KIF15: variants seen among roughly 807,000 people sequenced by gnomAD.
The protein encoded by KIF15 is kinesin-like protein KIF15.
KIF15 carries 140 observed loss-of-function variants against 190.6 expected under a neutral mutation model. The ratio of observed to expected loss-of-function variants is 0.73; its 90% confidence interval spans 0.64 to 0.84. The LOEUF (loss-of-function observed/expected upper bound fraction) is 0.84, where lower values mean the gene tolerates loss of function less well. Ranked by LOEUF, KIF15 falls within the 40% of genes least tolerant of loss-of-function variation. KIF15 has a pLI of 0.00. For synonymous variants in KIF15, 528 were observed against 551.3 expected (o/e 0.96, Z 0.59); for missense variants, 1,372 against 1,584.4 (o/e 0.87, Z 2.28).
At chr3:44,763,254 G>A (rs1366512310) in intron 1 of KIF15, among the ~76,000 whole-genome samples, 2 of 152,204 alleles carry the variant, frequency 1.3e-5, no homozygotes, top group Admixed American at 6.5e-5. Flanking sequence ...AAGAGAGCCC[G>A]TGCAGTGGTC....
intron 7 of KIF15, among the ~76,000 whole-genome samples, chr3:44,792,797 G>C (rs1254621960): frequency 1.3e-5 from 2 of 151,922 alleles, no homozygotes; most frequent in Non-Finnish European, 2.9e-5. Context: ...CCACCCACCT[G>C]GGCCTCCCAA....
At chr3:44,772,015 A>G (rs943098126) in intron 1 of KIF15, among the ~76,000 whole-genome samples, 4 of 152,234 alleles carry the variant, frequency 2.6e-5, no homozygotes, top group African/African-American at 9.6e-5. Flanking sequence ...ACTAAAAGGT[A>G]CCACAGCTCT....
intron 6 of KIF15, among the ~76,000 whole-genome samples, chr3:44,861,015 G>A (rs1699236622): frequency 6.6e-6 from 1 of 151,822 alleles, no homozygotes; most frequent in Non-Finnish European, 1.5e-5. Flanking sequence ...TTTTTGAGAC[G>A]GAGTTCACTC....
At chr3:44,779,000 A>G (rs1706035776) in intron 4 of KIF15, among the ~76,000 whole-genome samples, 1 of 150,024 alleles carries the variant, frequency 6.7e-6, no homozygotes, top group South Asian at 2.1e-4. Flanking sequence ...AAAAAAAAAA[A>G]ACCAAAACAA....
intron 3 of KIF15, among the ~76,000 whole-genome samples, chr3:44,776,771 G>C (rs1705909587): frequency 1.3e-5 from 2 of 152,112 alleles, no homozygotes; most frequent in African/African-American, 4.8e-5. Flanking sequence ...TGTGCTGTCT[G>C]TTACAATAGC....
At chr3:44,828,852 A>G (rs1697818393) in intron 24 of KIF15, among the ~76,000 whole-genome samples, 1 of 152,086 alleles carries the variant, frequency 6.6e-6, no homozygotes, top group South Asian at 2.1e-4. Flanking sequence ...AGCCTGACCA[A>G]CATGGAGAAA....
chr3:44,815,474 T>C (rs1380420427), intron 20 of KIF15, among the ~76,000 whole-genome samples: 2 of 152,222 alleles, frequency 1.3e-5, no homozygotes, highest in African/African-American at 4.8e-5. Flanking sequence ...TTGGTTTTGC[T>C]TGAGTCATCT....
Position 44,800,295 on chromosome 3 carries a change from TTAAAAAATTCC to T in KIF15, c.1099-17_1099-7del. ...TCAAAAAGCATTATTTTAATGCTTT[TTAAAAAATTCC>T]TGAACAGGCAGTAGTAAATGAAGAC... On this transcript the variant is annotated splice_region_variant and splice_polypyrimidine_tract_variant and intron_variant, in intron 10 of 34. Coordinates refer to ENST00000326047, the MANE Select transcript of KIF15 (RefSeq NM_020242.3). 6.2e-7 allele frequency: 1 copy of T among 1,612,232 alleles called. No homozygotes were observed. Among genetic ancestry groups the T allele is most frequent in the Non-Finnish European group, 8.5e-7 (1 of 1,179,106 alleles).
intron 3 of KIF15, among the ~76,000 whole-genome samples, chr3:44,777,746 ATCTCCT>A: frequency 6.6e-6 from 1 of 152,342 alleles, no homozygotes; most frequent in South Asian, 2.1e-4. Context: ...GTAAGACTGC[ATCTCCT>A]TGTAGGTAAA....
chr3:44,839,578 A>G (rs1315332221), intron 27 of KIF15, among the ~76,000 whole-genome samples: 1 of 152,190 alleles, frequency 6.6e-6, no homozygotes, highest in African/African-American at 2.4e-5. Context: ...GCATCAACCT[A>G]ATAACTGTAA....
intron 10 of KIF15, 61 bp downstream of exon 10, chr3:44,798,017 C>T: frequency 1.4e-6 from 2 of 1,436,614 alleles, no homozygotes; most frequent in South Asian, 1.4e-5. Flanking sequence ...TTACAGTATG[C>T]CATTTTTGTG....
In KIF15 at chr3:44,852,839, C is replaced by T; in HGVS notation, c.*104C>T. 1.2e-6 allele frequency: 1 copy of T among 846,668 alleles called. No homozygotes were observed. The allele number at this position is 846,668 out of a possible 1,614,324, so 52.4% of individuals were successfully genotyped here. A position where few individuals can be genotyped will look rare whatever the true frequency, so the allele number is the denominator to read the frequency against. On this transcript the variant is annotated 3_prime_UTR_variant, in exon 35 of 35. Transcript: ENST00000326047. ...ACTTAGGAGAGCTGAATTTATGGAC[C>T]TTAATTATTAAATGTTTATAAGGTG...
chr3:44,790,183 AT>A (rs879520258), intron 7 of KIF15, among the ~76,000 whole-genome samples: 69 of 146,182 alleles, frequency 4.7e-4, no homozygotes, highest in Non-Finnish European at 5.5e-4. Flanking sequence ...ACTTTATGAC[AT>A]TTTTTTTTTT....
intron 4 of KIF15, among the ~76,000 whole-genome samples, chr3:44,779,348 G>A (rs1484068280): frequency 6.6e-6 from 1 of 152,144 alleles, no homozygotes; most frequent in Non-Finnish European, 1.5e-5. Context: ...ACCAAGATCT[G>A]GGCGCTAGGT....
At chr3:44,802,105 C>G (rs775744216) in intron 13 of KIF15, 131 bp downstream of exon 13, 27 of 621,386 alleles carry the variant, frequency 4.3e-5, no homozygotes, top group Non-Finnish European at 7.2e-5. Context: ...AGTGTGATTG[C>G]ATAATTCCTT....
At position 44,801,841 on chromosome 3, in the gene KIF15, T is replaced by C; in HGVS notation, c.1376T>C (p.Ile459Thr). 2 of 1,611,526 alleles carry C rather than the reference T, an allele frequency of 1.2e-6. No homozygotes were observed. Among genetic ancestry groups the C allele is most frequent in the South Asian group, 1.1e-5 (1 of 90,938 alleles). Residue 459 changes from isoleucine (I) to threonine (T), a missense_variant, in exon 13 of 35, where the codon ATT becomes ACT. Transcript: ENST00000326047. ...KEKFIQSNKM[I>T]VKFREDQIIR... Reference sequence around the variant, plus strand: ...AAATTTATTCAATCTAATAAAATGATTGTGAAATTCCGAGAGGATCAAATA... The same window carrying C: ...AAATTTATTCAATCTAATAAAATGACTGTGAAATTCCGAGAGGATCAAATA...
At chr3:44,771,566 A>T (rs1324758393) in intron 1 of KIF15, among the ~76,000 whole-genome samples, 1 of 152,214 alleles carries the variant, frequency 6.6e-6, no homozygotes, top group South Asian at 2.1e-4. Flanking sequence ...TGATTTTGGG[A>T]AGCCTGTTGA....
At chr3:44,834,495 A>G (rs1465275820) in intron 26 of KIF15, among the ~76,000 whole-genome samples, 1 of 152,218 alleles carries the variant, frequency 6.6e-6, no homozygotes, top group African/African-American at 2.4e-5. Flanking sequence ...CCATTTAACA[A>G]TATTGGAACT....
At chr3:44,807,974 C>T (rs1575620811) in intron 16 of KIF15, among the ~76,000 whole-genome samples, 7 of 151,820 alleles carry the variant, frequency 4.6e-5, no homozygotes, top group Admixed American at 6.6e-5. Context: ...CTTGCTCTGT[C>T]ACTCAGGCTG....
Sources: gnomAD v4.1 joint callset for allele counts (sites outside exome capture counted in the v4.1 genomes callset) on GRCh38, gnomAD v4.1.1 for gene constraint, MANE v1.5 for transcripts, NCBI Gene and HGNC (gene_info 2026-07-23, HGNC 2026-07-21) for gene names.